ITPR1: variants seen among roughly 807,000 people sequenced by gnomAD.
ITPR1 encodes the protein inositol 1,4,5-trisphosphate-gated calcium channel ITPR1.
In ITPR1, 96 loss-of-function variants were observed where a neutral mutation model predicts 318.4. That is an observed-to-expected ratio of 0.30 (90% CI 0.26 to 0.36). The LOEUF (loss-of-function observed/expected upper bound fraction) is 0.36. Among genes scored for constraint, ITPR1 ranks in the 10% least tolerant of loss-of-function variants. ITPR1 has a pLI of 1.00. For missense variants in ITPR1, 2,440 were observed against 3,460.2 expected (o/e 0.71, Z 7.40); for synonymous variants, 1,312 against 1,289.9 (o/e 1.02, Z -0.37).
At chr3:4,681,786 G>C (rs1216729845) in intron 26 of ITPR1, among the ~76,000 whole-genome samples, 4 of 152,076 alleles carry the variant, frequency 2.6e-5, no homozygotes, top group Non-Finnish European at 5.9e-5. Context: ...ACAGAGTGAA[G>C]TTAGTAAGAT....
chr3:4,654,889 G>C (rs1243180481), intron 12 of ITPR1, among the ~76,000 whole-genome samples: 1 of 152,140 alleles, frequency 6.6e-6, no homozygotes, highest in East Asian at 1.9e-4. Context: ...CCTGCTGTGG[G>C]TTTGTGGATT....
At position 4,756,320 on chromosome 3, in the gene ITPR1, C is replaced by A. The variant is rs1219261159; in HGVS notation, c.5545-10210C>A. 1.9e-4 allele frequency among the ~76,000 whole-genome samples: 27 copies of A among 142,312 alleles called. No homozygotes were observed. In the Admixed American group the frequency reaches 1.9e-3, roughly 10 times the overall value. The allele number at this position is 142,312 out of a possible 152,430, so 93.4% of individuals were successfully genotyped here. A position where few individuals can be genotyped will look rare whatever the true frequency, so the allele number is the denominator to read the frequency against. On this transcript the variant is annotated intron_variant, in intron 44 of 61. Transcript: ENST00000649015. ...GCTTTTATAGCTAGTGAAATTTCAG[C>A]CAAATTTTTTTTTAACTTTTACTTT...
intron 13 of ITPR1, among the ~76,000 whole-genome samples, chr3:4,660,151 G>A (rs1234251650): frequency 1.3e-5 from 2 of 152,062 alleles, no homozygotes; most frequent in Non-Finnish European, 2.9e-5. Flanking sequence ...TGTTGAGACT[G>A]GGTTTTAGAT....
chr3:4,732,517 C>T (rs892286429), intron 42 of ITPR1, among the ~76,000 whole-genome samples: 1 of 152,086 alleles, frequency 6.6e-6, no homozygotes, highest in African/African-American at 2.4e-5. Flanking sequence ...ATCTGCCACT[C>T]ATGCCACTAA....
intron 23 of ITPR1, among the ~76,000 whole-genome samples, chr3:4,675,479 A>G (rs2094165608): frequency 6.6e-6 from 1 of 152,086 alleles, no homozygotes. Context: ...GCTGAATTTT[A>G]TTTTGTATTT....
intron 4 of ITPR1, among the ~76,000 whole-genome samples, chr3:4,551,135 G>A (rs1006177624): frequency 6.6e-5 from 10 of 152,174 alleles, no homozygotes; most frequent in Non-Finnish European, 2.9e-5. Flanking sequence ...ATCTCATAGT[G>A]GAGGTTTGGA....
intron 2 of ITPR1, among the ~76,000 whole-genome samples, chr3:4,512,434 A>G (rs1251632759): frequency 2.6e-5 from 4 of 152,118 alleles, no homozygotes; most frequent in Non-Finnish European, 5.9e-5. Context: ...GTGTTTTTTG[A>G]AAGGTTAGAA....
intron 61 of ITPR1, among the ~76,000 whole-genome samples, chr3:4,839,955 C>G (rs901685830): frequency 6.8e-6 from 1 of 147,628 alleles, no homozygotes; most frequent in Admixed American, 6.9e-5. Context: ...AGTACATTCT[C>G]AAGTGCTTTT....
chr3:4,501,434 C>T (rs111375542), intron 2 of ITPR1, among the ~76,000 whole-genome samples: 3 of 152,214 alleles, frequency 2.0e-5, no homozygotes, highest in African/African-American at 7.2e-5. Flanking sequence ...GACTCTCAGA[C>T]CCTACTCCAC....
rs2046541651 is a variant in ITPR1 at position 4,777,267 on chromosome 3, T to G, written c.6184T>G (p.Cys2062Gly). The G allele has an allele frequency of 6.3e-7, 1 of 1,590,026 alleles. No homozygotes were observed. The highest frequency in any genetic ancestry group is 1.7e-5 in the Admixed American group (1 of 58,172). Reference sequence around the variant, plus strand: ...GTCTGTGTGTGTCTTTGCTCAGAACTGCATAGCCACCCATGAATCCAATGG... The same window carrying G: ...GTCTGTGTGTGTCTTTGCTCAGAACGGCATAGCCACCCATGAATCCAATGG... ...CQGPCHENQN[C>G]IATHESNGID... Residue 2062 changes from cysteine (C) to glycine (G), a missense_variant, in exon 48 of 62, where the codon TGC (cysteine) becomes GGC (glycine). Transcript: ENST00000649015.
At chr3:4,721,176 A>G (rs1390812795) in intron 40 of ITPR1, among the ~76,000 whole-genome samples, 1 of 9,436 alleles carries the variant, frequency 1.1e-4, no homozygotes, top group East Asian at 0.038. Context: ...GTGCGTGTAT[A>G]TATATATATA....
intron 4 of ITPR1, among the ~76,000 whole-genome samples, chr3:4,579,012 T>G (rs956505706): frequency 5.3e-5 from 8 of 152,298 alleles, no homozygotes; most frequent in African/African-American, 1.7e-4. Flanking sequence ...TATTGCTGAT[T>G]TTGCTTCCAG....
intron 54 of ITPR1, 50 bp downstream of exon 54, chr3:4,800,650 A>T: frequency 6.4e-7 from 1 of 1,564,324 alleles, no homozygotes; most frequent in Non-Finnish European, 8.8e-7. Flanking sequence ...GATTAATAGG[A>T]ATGCCTTGCA....
chr3:4,697,455 C>CTTTTTTTTTTTTTTTTTTTT (rs369934199), intron 34 of ITPR1, among the ~76,000 whole-genome samples, 183 bp downstream of exon 34: 2 of 86,784 alleles, frequency 2.3e-5, no homozygotes, highest in African/African-American at 8.5e-5. Context: ...TCCTTTCTTC[C>CTTTTTTTTTTTTTTTTTTTT]TTTTTTTTTT....
chr3:4,715,299 A>G (rs534270508), intron 39 of ITPR1, among the ~76,000 whole-genome samples: 1 of 152,374 alleles, frequency 6.6e-6, no homozygotes, highest in East Asian at 1.9e-4. Context: ...TTACACGATT[A>G]TGTAAACAAT....
intron 4 of ITPR1, among the ~76,000 whole-genome samples, chr3:4,580,219 C>A (rs2089180616): frequency 6.6e-6 from 1 of 151,918 alleles, no homozygotes; most frequent in Non-Finnish European, 1.5e-5. Flanking sequence ...CAAAAAAAAA[C>A]CAAAAAACCT....
chr3:4,539,584 T>A (rs911610881), intron 4 of ITPR1, among the ~76,000 whole-genome samples: 2 of 152,200 alleles, frequency 1.3e-5, no homozygotes, highest in Admixed American at 6.5e-5. Flanking sequence ...TATACGGTGC[T>A]ATGGCTTGAA....
At chr3:4,742,161 C>T (rs1313984185) in intron 44 of ITPR1, among the ~76,000 whole-genome samples, 1 of 152,158 alleles carries the variant, frequency 6.6e-6, no homozygotes, top group African/African-American at 2.4e-5. Context: ...AAGGAGAGAG[C>T]CTATCAACTG....
At chr3:4,651,658 T>C (rs1380675736) in intron 10 of ITPR1, among the ~76,000 whole-genome samples, 1 of 152,252 alleles carries the variant, frequency 6.6e-6, no homozygotes, top group East Asian at 1.9e-4. Context: ...AACTCTGTCA[T>C]GGCCAGAAGC....
Sources: allele counts gnomAD v4.1 joint callset (sites outside exome capture counted in the v4.1 genomes callset), GRCh38; gene constraint gnomAD v4.1.1; transcripts MANE v1.5; gene names NCBI Gene and HGNC (gene_info 2026-07-23, HGNC 2026-07-21).